ATP6V1E1: variants seen among roughly 807,000 people sequenced by gnomAD.
The protein encoded by ATP6V1E1 is ATPase H+ transporting V1 subunit E1, also known as V-type proton ATPase subunit E 1.
A neutral mutation model predicts 35.2 loss-of-function variants in ATP6V1E1; 21 were observed. The ratio of observed to expected loss-of-function variants is 0.60; its 90% CI spans 0.42 to 0.86. The LOEUF is 0.86. ATP6V1E1 is among the 40% of genes least tolerant of loss of function. The probability of loss-of-function intolerance (pLI) is 0.00; values close to 1 mark genes in which losing one functional copy is unlikely to be tolerated. For synonymous variants in ATP6V1E1, 83 were observed against 87.8 expected (o/e 0.95, Z 0.30); for missense variants, 183 against 272.6 (o/e 0.67, Z 2.32).
chr22:17,593,068 G>A lies in ATP6V1E1; in HGVS notation c.619-332C>T, dbSNP rs753967106. On this transcript the variant is annotated intron_variant, in intron 8 of 8. Transcript: ENST00000253413. ...CTCCCACAGTGCTGGGATTACAGGC[G>A]TGAGCCACCAAGCCTGGCCAGAGTG... is the stretch of plus-strand genomic sequence containing the variant. 5.3e-4 allele frequency among the ~76,000 whole-genome samples: 81 copies of A among 152,158 alleles called. 1 individual carries two copies. The highest frequency in any genetic ancestry group is 4.1e-3 in the Admixed American group (63 of 15,280).
At chr22:17,622,701 C>T (rs2057883987) in intron 1 of ATP6V1E1, among the ~76,000 whole-genome samples, 1 of 152,168 alleles carries the variant, frequency 6.6e-6, no homozygotes, top group Admixed American at 6.6e-5. Context: ...TATGGTGGCT[C>T]ATGCCTGTAA....
intron 2 of ATP6V1E1, among the ~76,000 whole-genome samples, chr22:17,615,600 A>G (rs5747278): frequency 0.35 from 52,790 of 151,504 alleles, 9,511 homozygotes; most frequent in African/African-American, 0.41. Context: ...CAGAGATTAC[A>G]CTGCTGCACT....
intron 4 of ATP6V1E1, among the ~76,000 whole-genome samples, chr22:17,605,469 G>A (rs1250998162): frequency 6.6e-6 from 1 of 152,024 alleles, no homozygotes; most frequent in Non-Finnish European, 1.5e-5. Flanking sequence ...GGCGGGGGGT[G>A]CAGTGAGCCG....
intron 2 of ATP6V1E1, among the ~76,000 whole-genome samples, chr22:17,616,284 G>T (rs535264064): frequency 3.7e-4 from 57 of 152,292 alleles, no homozygotes; most frequent in Non-Finnish European, 5.9e-4. Context: ...GGAGGTGGGG[G>T]TTGTGGTGAG....
chr22:17,594,586 A>T lies in ATP6V1E1; in HGVS notation c.561T>A (p.Asp187Glu). Residue 187 changes from aspartate to glutamate, a missense_variant, in exon 8 of 9, where the codon GAT becomes GAA. Asp to Glu is a conservative substitution (Grantham distance 45, BLOSUM62 2). Transcript: ENST00000253413. Reference sequence around the variant, plus strand: ...GGGTGTTGGAAACCTTTATTTTACGATCTCCATTATAGATCTCAACTCCAC... The same window carrying T: ...GGGTGTTGGAAACCTTTATTTTACGTTCTCCATTATAGATCTCAACTCCAC... ...IAGGVEIYNGDRKIKVSNTLE... is the reference protein window; with the variant it reads ...IAGGVEIYNGERKIKVSNTLE... The T allele has an allele frequency of 6.3e-7, 1 of 1,594,094 alleles. No homozygotes were observed. The highest frequency in any genetic ancestry group is 8.5e-7 in the Non-Finnish European group (1 of 1,170,908).
At chr22:17,599,982 G>A (rs777073726) in intron 6 of ATP6V1E1, 45 bp downstream of exon 6, 3 of 1,249,230 alleles carry the variant, frequency 2.4e-6, no homozygotes, top group South Asian at 1.2e-5. Flanking sequence ...AGGAAGAAAG[G>A]GAGGGGGGAG....
chr22:17,601,059 G>T, intron 5 of ATP6V1E1, 33 bp downstream of exon 5: 1 of 1,568,496 alleles, frequency 6.4e-7, no homozygotes, highest in Non-Finnish European at 8.7e-7. Context: ...CAGAACTGTG[G>T]CTATCAACAG....
intron 4 of ATP6V1E1, among the ~76,000 whole-genome samples, chr22:17,610,478 C>T (rs953188660): frequency 2.6e-5 from 4 of 151,734 alleles, no homozygotes; most frequent in Admixed American, 6.6e-5. Flanking sequence ...GAATCTTTTC[C>T]ACTCTTAATA....
At chr22:17,603,687 C>G (rs1212646106) in intron 4 of ATP6V1E1, among the ~76,000 whole-genome samples, 1 of 152,172 alleles carries the variant, frequency 6.6e-6, no homozygotes, top group Non-Finnish European at 1.5e-5. Flanking sequence ...GGTCCCATCT[C>G]CAAAATATCT....
chr22:17,627,988 T>G (rs1214703712), intron 1 of ATP6V1E1, among the ~76,000 whole-genome samples: 2 of 143,546 alleles, frequency 1.4e-5, no homozygotes, highest in Non-Finnish European at 1.5e-5. Flanking sequence ...GGTTTGTTTT[T>G]TTTTTTTCTT....
At chr22:17,600,940 T>C (rs1364850232) in intron 5 of ATP6V1E1, 152 bp downstream of exon 5, 1 of 586,972 alleles carries the variant, frequency 1.7e-6, no homozygotes, top group Non-Finnish European at 2.9e-6. Context: ...TGGTCAAGAG[T>C]GAAAGTAAAA....
chr22:17,597,995 A>G (rs184455270), intron 7 of ATP6V1E1, 199 bp downstream of exon 7: 1 of 552,442 alleles, frequency 1.8e-6, no homozygotes, highest in African/African-American at 1.9e-5. Context: ...CTTTTAGAGT[A>G]TATTTAGCCA....
At chr22:17,605,693 C>CTCTT (rs754638458) in intron 4 of ATP6V1E1, among the ~76,000 whole-genome samples, 76 of 103,956 alleles carry the variant, frequency 7.3e-4, no homozygotes, top group African/African-American at 1.5e-3. Flanking sequence ...AGATGTTTCT[C>CTCTT]TTTTTTTTTT....
chr22:17,592,860 T>A, intron 8 of ATP6V1E1, 124 bp from the exon 9 acceptor site: 1 of 845,272 alleles, frequency 1.2e-6, no homozygotes, highest in Non-Finnish European at 1.9e-6. Flanking sequence ...TGGAGTGCAG[T>A]GGCGCATCTC....
intron 1 of ATP6V1E1, among the ~76,000 whole-genome samples, chr22:17,626,364 A>T (rs9605352): frequency 0.52 from 76,187 of 147,646 alleles, 21,570 homozygotes; most frequent in African/African-American, 0.75. Flanking sequence ...ATTTGACACA[A>T]TTTTGTTTAT....
At chr22:17,613,431 CAG>C (rs2057825310) in intron 2 of ATP6V1E1, 111 bp from the exon 3 acceptor site, 14 of 782,632 alleles carry the variant, frequency 1.8e-5, no homozygotes, top group South Asian at 1.3e-4. Context: ...ATATATAAAA[CAG>C]AAAATTTATT....
intron 6 of ATP6V1E1, 53 bp from the exon 7 acceptor site, chr22:17,598,341 T>C: frequency 7.1e-7 from 1 of 1,402,404 alleles, no homozygotes; most frequent in Non-Finnish European, 1.0e-6. Context: ...GAAGCAAGTA[T>C]CCAAAAACTC....
intron 7 of ATP6V1E1, chr22:17,597,934 C>T: frequency 7.1e-6 from 3 of 425,170 alleles, no homozygotes; most frequent in South Asian, 2.8e-5. Flanking sequence ...GCCTCAGCCT[C>T]CCAAAGTGTT....
chr22:17,626,307 C>CAAAAAAAA (rs928655426), intron 1 of ATP6V1E1, among the ~76,000 whole-genome samples: 2 of 61,974 alleles, frequency 3.2e-5, no homozygotes, highest in African/African-American at 5.1e-5. Context: ...GACTTCGTCT[C>CAAAAAAAA]AAAAAAAAAA....
Sources: gnomAD v4.1 joint callset for allele counts (sites outside exome capture counted in the v4.1 genomes callset) on GRCh38, gnomAD v4.1.1 for gene constraint, MANE v1.5 for transcripts, NCBI Gene and HGNC (gene_info 2026-07-23, HGNC 2026-07-21) for gene names.